RAB21: variants seen among roughly 807,000 people sequenced by gnomAD.
RAB21 encodes the protein ras-related protein Rab-21.
A neutral mutation model predicts 33.1 loss-of-function variants in RAB21; 13 were observed. The observed-to-expected ratio is 0.39, with a 90% CI of 0.26 to 0.62. The LOEUF is 0.62. Among genes scored for constraint, RAB21 ranks in the 20% least tolerant of loss-of-function variants. The pLI, the probability that RAB21 is intolerant of heterozygous loss-of-function variation, is 0.48. For missense variants in RAB21, 234 were observed against 279.1 expected, an observed-to-expected ratio of 0.84 and a Z score of 1.15; for synonymous variants, 91 against 103.7, an observed-to-expected ratio of 0.88 and a Z score of 0.74.
intron 1 of RAB21, among the ~76,000 whole-genome samples, chr12:71,755,547 G>C (rs1286762689): frequency 6.6e-6 from 1 of 152,232 alleles, no homozygotes; most frequent in African/African-American, 2.4e-5. Flanking sequence ...TGCGCACGTT[G>C]TGGTCTCCGT....
rs1883290994 is a variant in RAB21 at position 71,786,302 on chromosome 12, A to G, written c.*629A>G. 1 of 152,632 alleles carries G rather than the reference A, an allele frequency of 6.6e-6. No homozygotes were observed. Among genetic ancestry groups the G allele is most frequent in the Non-Finnish European group, 1.5e-5 (1 of 68,034 alleles). 9.5% of individuals were successfully genotyped at this position (152,632 alleles called of 1,614,324 possible). The stretch of plus-strand genomic sequence containing the variant: ...AAAGACCTACTTAAAGTCTTCATTT[A>G]TATTCTTTCAAATCAAATCTTTATT... On this transcript the variant is annotated 3_prime_UTR_variant, in exon 7 of 7. Coordinates refer to ENST00000261263, the MANE Select transcript of RAB21 (RefSeq NM_014999.4).
At position 71,797,057 on chromosome 12, in the gene RAB21, G is replaced by A. The variant is rs1352783582; in HGVS notation, c.*11384G>A. ...ACTTCGTGTTTCCATTTTCATAATG[G>A]GGGTTAGTCATAAACCATTCTATGT... On this transcript the variant is annotated 3_prime_UTR_variant, in exon 7 of 7. Coordinates refer to ENST00000261263, the MANE Select transcript of RAB21 (RefSeq NM_014999.4). 1 of 152,064 alleles carries A rather than the reference G, an allele frequency of 6.6e-6. No homozygotes were observed. Among genetic ancestry groups the A allele is most frequent in the Non-Finnish European group, 1.5e-5 (1 of 67,974 alleles). 9.4% of individuals were successfully genotyped at this position (152,064 alleles called of 1,614,324 possible). A position where few individuals can be genotyped will look rare whatever the true frequency, so the allele number is the denominator to read the frequency against.
chr12:71,765,533 A>G (rs1221491317), intron 1 of RAB21, among the ~76,000 whole-genome samples: 1 of 152,146 alleles, frequency 6.6e-6, no homozygotes, highest in Non-Finnish European at 1.5e-5. Flanking sequence ...CTCTAAGCCA[A>G]TGTCTAGAAG....
In RAB21 at chr12:71,771,004, TG is replaced by T. The variant is rs1883034601; in HGVS notation, c.327+310del. ...TTTGAAATTGAGCTTCAGAAAAATATGGGGGCTTTTGTTTTTCCCTCTTAAG... is the reference window on the plus strand; with the variant it reads ...TTTGAAATTGAGCTTCAGAAAAATATGGGGCTTTTGTTTTTCCCTCTTAAG... On this transcript the variant is annotated intron_variant, in intron 3 of 6. Coordinates refer to ENST00000261263, the MANE Select transcript of RAB21 (RefSeq NM_014999.4). 2.0e-5 allele frequency among the ~76,000 whole-genome samples: 3 copies of T among 152,130 alleles called. No homozygotes were observed. In the South Asian group the frequency reaches 6.2e-4, roughly 31 times the overall value.
rs1592650200 is a variant in RAB21, at chr12:71,782,552, A to G, written c.447-18A>G. 4 of 1,511,604 alleles carry G rather than the reference A, an allele frequency of 2.6e-6. No homozygotes were observed. Among genetic ancestry groups the G allele is most frequent in the Non-Finnish European group, 3.6e-6 (4 of 1,103,444 alleles). 93.6% of individuals were successfully genotyped at this position (1,511,604 alleles called of 1,614,324 possible). ...GAATAATATTTTACATCAATCACCG[A>G]TGTTACTTTTTTTTAAGGTATGCAG... On this transcript the variant is annotated intron_variant, in intron 5 of 6. Coordinates refer to ENST00000261263, the MANE Select transcript of RAB21 (RefSeq NM_014999.4).
chr12:71,768,963 G>T (rs900801285), intron 1 of RAB21, among the ~76,000 whole-genome samples: 1 of 152,072 alleles, frequency 6.6e-6, no homozygotes, highest in Non-Finnish European at 1.5e-5. Context: ...ATACATGTCT[G>T]GTGTCTTAGA....
Position 71,790,589 on chromosome 12 carries a change from CAT to C in RAB21, c.*4921_*4922del, listed in dbSNP as rs1322513183. 7.9e-5 allele frequency: 12 copies of C among 152,106 alleles called. No individual in the cohort carries two copies. Among genetic ancestry groups the C allele is most frequent in the South Asian group, 2.1e-4 (1 of 4,826 alleles). The allele number at this position is 152,106 out of a possible 1,614,324, so 9.4% of individuals were successfully genotyped here. ...AATGTTCTAGGAAAAGAATAAAAAA[CAT>C]ATATTGTCAAAGTGCCCTTTGGTAG... is the stretch of plus-strand genomic sequence containing the variant. On this transcript the variant is annotated 3_prime_UTR_variant, in exon 7 of 7. Transcript: ENST00000261263.
chr12:71,789,641 T>A lies in RAB21; in HGVS notation c.*3968T>A, dbSNP rs1370323495. ...TGTCTAAAGATATAAACTGAGTAGATCCCTAAGTACTCTTCTCTAAATTAT... is the reference window on the plus strand; with the variant it reads ...TGTCTAAAGATATAAACTGAGTAGAACCCTAAGTACTCTTCTCTAAATTAT... On this transcript the variant is annotated 3_prime_UTR_variant, in exon 7 of 7. Coordinates refer to ENST00000261263, the MANE Select transcript of RAB21 (RefSeq NM_014999.4). 2 of 152,228 alleles carry A rather than the reference T, an allele frequency of 1.3e-5. No individual in the cohort carries two copies. Among genetic ancestry groups the A allele is most frequent in the African/African-American group, 4.8e-5 (2 of 41,566 alleles). 9.4% of individuals were successfully genotyped at this position (152,228 alleles called of 1,614,324 possible).
Position 71,796,583 on chromosome 12 carries a change from C to T in RAB21, c.*10910C>T, listed in dbSNP as rs1268688212. 1 of 136,916 alleles carries T rather than the reference C, an allele frequency of 7.3e-6. No individual in the cohort carries two copies. Among genetic ancestry groups the T allele is most frequent in the Non-Finnish European group, 1.5e-5 (1 of 65,830 alleles). 8.5% of individuals were successfully genotyped at this position (136,916 alleles called of 1,614,324 possible). ...CTGACTATAAAGTAAGACTTATTAT[C>T]TTGTATAGTTTGTAGCATTTAATCT... On this transcript the variant is annotated 3_prime_UTR_variant, in exon 7 of 7. Transcript: ENST00000261263.
At chr12:71,766,888 T>C (rs1882969431) in intron 1 of RAB21, among the ~76,000 whole-genome samples, 1 of 152,152 alleles carries the variant, frequency 6.6e-6, no homozygotes, top group Non-Finnish European at 1.5e-5. Context: ...CCTAAGAAGA[T>C]AGATGTGGAC....
chr12:71,762,191 C>G (rs1882881992), intron 1 of RAB21, among the ~76,000 whole-genome samples: 1 of 152,158 alleles, frequency 6.6e-6, no homozygotes, highest in Non-Finnish European at 1.5e-5. Flanking sequence ...CTTTGACTTT[C>G]CTTTTGAAAG....
intron 1 of RAB21, among the ~76,000 whole-genome samples, chr12:71,764,780 CATTATTTCAT>C (rs1882934117): frequency 6.6e-6 from 1 of 152,154 alleles, no homozygotes; most frequent in Non-Finnish European, 1.5e-5. Flanking sequence ...CTGTAAAAGA[CATTATTTCAT>C]TCCTTTTTAT....
At position 71,793,465 on chromosome 12, in the gene RAB21, T is replaced by C. The variant is rs1171495810; in HGVS notation, c.*7792T>C. On this transcript the variant is annotated 3_prime_UTR_variant, in exon 7 of 7. Coordinates refer to ENST00000261263, the MANE Select transcript of RAB21 (RefSeq NM_014999.4). ...TTTTTGATATTACAATATAATAAAGTTAAATCATCTAGTCCTCCTGGCCCT... is the reference window on the plus strand; with the variant it reads ...TTTTTGATATTACAATATAATAAAGCTAAATCATCTAGTCCTCCTGGCCCT... 6.6e-6 allele frequency: 1 copy of C among 152,230 alleles called. No homozygotes were observed. Among genetic ancestry groups the C allele is most frequent in the Non-Finnish European group, 1.5e-5 (1 of 68,044 alleles). The allele number at this position is 152,230 out of a possible 1,614,324, so 9.4% of individuals were successfully genotyped here.
intron 3 of RAB21, among the ~76,000 whole-genome samples, chr12:71,772,591 T>A (rs1883059853): frequency 6.6e-6 from 1 of 152,084 alleles, no homozygotes; most frequent in African/African-American, 2.4e-5. Context: ...AAAAAATTGA[T>A]CAGATTAGTA....
rs1883318363 is a variant in RAB21 at position 71,787,853 on chromosome 12, A to C, written c.*2180A>C. ...TATTTATGTGGGGGTGGGGGAAGGTAGCAAGAATCATGGGTATCACGGTAC... is the reference window on the plus strand; with the variant it reads ...TATTTATGTGGGGGTGGGGGAAGGTCGCAAGAATCATGGGTATCACGGTAC... On this transcript the variant is annotated 3_prime_UTR_variant, in exon 7 of 7. Transcript: ENST00000261263. The C allele has an allele frequency of 6.6e-6, 1 of 152,294 alleles. No individual in the cohort carries two copies. 9.4% of individuals were successfully genotyped at this position (152,294 alleles called of 1,614,324 possible). A position where few individuals can be genotyped will look rare whatever the true frequency, so the allele number is the denominator to read the frequency against.
At chr12:71,769,187 TA>T (rs1883004635) in intron 1 of RAB21, among the ~76,000 whole-genome samples, 1 of 152,208 alleles carries the variant, frequency 6.6e-6, no homozygotes, top group South Asian at 2.1e-4. Flanking sequence ...ACAACTGTTA[TA>T]CTTCCTTTCT....
rs1046972576 is a variant in RAB21, at chr12:71,759,946, G to T, written c.159+4658G>T. ...TACCTTACTCATAGGACTTTATGTGGATTATTACATAGACAGCCGTCATAT... is the reference window on the plus strand; with the variant it reads ...TACCTTACTCATAGGACTTTATGTGTATTATTACATAGACAGCCGTCATAT... On this transcript the variant is annotated intron_variant, in intron 1 of 6. Transcript: ENST00000261263. Among the ~76,000 whole-genome samples the T allele has an allele frequency of 2.0e-5, 3 of 152,162 alleles. No individual in the cohort carries two copies. In the East Asian group the frequency reaches 5.8e-4, roughly 29 times the overall value.
In RAB21 at chr12:71,755,210, A is replaced by G. The variant is rs979876182; in HGVS notation, c.81A>G (p.Glu27=). The part of the protein sequence containing the change: ...AYSFKVVLLG[E]GCVGKTSLVL... ...CGTTCAAGGTGGTGCTGCTGGGGGA[A>G]GGCTGCGTGGGGAAGACGTCGCTGG... The change falls in exon 1 of 7, where the codon GAA becomes GAG. Residue 27 remains glutamate (E), a synonymous_variant. Coordinates refer to ENST00000261263, the MANE Select transcript of RAB21 (RefSeq NM_014999.4). The G allele has an allele frequency of 1.0e-5, 16 of 1,539,216 alleles. No homozygotes were observed. Among genetic ancestry groups the G allele is most frequent in the Non-Finnish European group, 1.4e-5 (16 of 1,147,426 alleles).
intron 5 of RAB21, 130 bp downstream of exon 5, chr12:71,782,215 ATGT>A: frequency 2.3e-6 from 2 of 868,866 alleles, no homozygotes; most frequent in Admixed American, 5.1e-5. Context: ...TCAGTGAAGC[ATGT>A]TTACATGGTA....
Sources: gnomAD v4.1 joint callset for allele counts (sites outside exome capture counted in the v4.1 genomes callset) on GRCh38, gnomAD v4.1.1 for gene constraint, MANE v1.5 for transcripts, NCBI Gene and HGNC (gene_info 2026-07-23, HGNC 2026-07-21) for gene names.